MPP7: variants seen among roughly 807,000 people sequenced by gnomAD.
MPP7 encodes the protein MAGUK p55 subfamily member 7.
Under a neutral mutation model 76.5 loss-of-function variants are expected in MPP7, and 60 were observed. That is an observed-to-expected ratio of 0.78 (90% CI 0.64 to 0.97). MPP7 has a LOEUF of 0.97. Among genes scored for constraint, MPP7 ranks in the 50% least tolerant of loss-of-function variants. MPP7 has a pLI of 0.00. For synonymous variants in MPP7, 237 were observed against 244.5 expected, an observed-to-expected ratio of 0.97 and a Z score of 0.29; for missense variants, 641 against 694.0, an observed-to-expected ratio of 0.92 and a Z score of 0.86.
intron 2 of MPP7, among the ~76,000 whole-genome samples, chr10:28,208,156 G>A (rs1273397101): frequency 6.6e-6 from 1 of 152,122 alleles, no homozygotes; most frequent in Non-Finnish European, 1.5e-5. Flanking sequence ...GAGCTCACAG[G>A]AGAACGTGTG....
intron 13 of MPP7, among the ~76,000 whole-genome samples, chr10:28,066,453 A>T (rs942924979): frequency 6.6e-6 from 1 of 152,240 alleles, no homozygotes; most frequent in Admixed American, 6.5e-5. Flanking sequence ...GACAGGTCCC[A>T]TGTAAAATCA....
At chr10:28,304,429 G>C (rs1440063312), upstream of MPP7, among the ~76,000 whole-genome samples, 1 of 152,112 alleles carries the variant, frequency 6.6e-6, no homozygotes, top group Admixed American at 6.5e-5. Context: ...GGAATGTTAA[G>C]GTAAACATAA....
At chr10:28,237,238 T>C (rs1231978490) in intron 2 of MPP7, among the ~76,000 whole-genome samples, 1 of 152,180 alleles carries the variant, frequency 6.6e-6, no homozygotes, top group Non-Finnish European at 1.5e-5. Context: ...AAATTTATGG[T>C]TCACATAAAT....
chr10:28,181,129 C>T (rs1476243395), intron 3 of MPP7, among the ~76,000 whole-genome samples: 5 of 152,110 alleles, frequency 3.3e-5, no homozygotes. Context: ...ATTAGATTTA[C>T]ATTAATGTCT....
chr10:28,216,015 T>C (rs11006923), intron 2 of MPP7, among the ~76,000 whole-genome samples: 12,485 of 152,014 alleles, frequency 0.082, 1,041 homozygotes, highest in East Asian at 0.41. Context: ...ACCCCATGTA[T>C]TGGGTAGAGT....
chr10:28,185,168 TATG>T (rs1035109884), intron 3 of MPP7, among the ~76,000 whole-genome samples: 1 of 148,570 alleles, frequency 6.7e-6, no homozygotes, highest in Non-Finnish European at 1.5e-5. Context: ...ATGTAATTAT[TATG>T]ATGAAAATAA....
intron 1 of MPP7, among the ~76,000 whole-genome samples, chr10:28,293,764 G>A (rs925268890): frequency 6.6e-6 from 1 of 152,190 alleles, no homozygotes; most frequent in African/African-American, 2.4e-5. Context: ...CCATCCTAGC[G>A]ACCGAGTAGC....
intron 2 of MPP7, among the ~76,000 whole-genome samples, chr10:28,213,005 T>C (rs1838192723): frequency 6.6e-6 from 1 of 152,110 alleles, no homozygotes; most frequent in South Asian, 2.1e-4. Context: ...AGTGCCATGA[T>C]CAGAGCTCAG....
At chr10:28,168,740 G>C (rs932130240) in intron 3 of MPP7, among the ~76,000 whole-genome samples, 5 of 152,034 alleles carry the variant, frequency 3.3e-5, no homozygotes, top group Admixed American at 1.3e-4. Context: ...GAATGGTCTC[G>C]ATCTCCTGAC....
At chr10:28,238,191 A>G (rs1437113414) in intron 2 of MPP7, among the ~76,000 whole-genome samples, 1 of 152,208 alleles carries the variant, frequency 6.6e-6, no homozygotes, top group African/African-American at 2.4e-5. Context: ...AGAGAAAAAT[A>G]TGAATCAAGT....
At chr10:28,238,545 C>A in intron 2 of MPP7, 23 bp downstream of exon 2, 1 of 1,612,860 alleles carries the variant, frequency 6.2e-7, no homozygotes, top group Non-Finnish European at 8.5e-7. Flanking sequence ...GGAATGAGAA[C>A]TGCCCCTCTT....
chr10:28,240,905 A>T (rs901672246), intron 1 of MPP7, among the ~76,000 whole-genome samples: 1 of 152,132 alleles, frequency 6.6e-6, no homozygotes, highest in African/African-American at 2.4e-5. Context: ...CATTTGTACC[A>T]TTAGGCCAAT....
At chr10:28,066,942 A>G (rs977010411) in intron 13 of MPP7, among the ~76,000 whole-genome samples, 1 of 152,134 alleles carries the variant, frequency 6.6e-6, no homozygotes, top group African/African-American at 2.4e-5. Flanking sequence ...TTACTTATTC[A>G]TTCAAATGAT....
At chr10:28,258,382 TTATATATA>T (rs59151395) in intron 1 of MPP7, among the ~76,000 whole-genome samples, 20,980 of 141,206 alleles carry the variant, frequency 0.15, 2,104 homozygotes, top group East Asian at 0.52. Flanking sequence ...ATATTAAATA[TTATATATA>T]TATATATATA....
intron 15 of MPP7, 116 bp from the exon 16 acceptor site, chr10:28,056,739 A>G (rs577679035): frequency 2.6e-6 from 2 of 772,368 alleles, no homozygotes; most frequent in Non-Finnish European, 3.8e-6. Context: ...AGTCATTTCA[A>G]TATATTATTA....
intron 12 of MPP7, 69 bp downstream of exon 12, chr10:28,089,602 T>C: frequency 7.1e-7 from 1 of 1,405,466 alleles, no homozygotes; most frequent in South Asian, 1.4e-5. Flanking sequence ...CAAGTATGAT[T>C]CACTTTGAAG....
intron 2 of MPP7, among the ~76,000 whole-genome samples, chr10:28,232,367 AC>A (rs1302578129): frequency 6.6e-6 from 1 of 150,814 alleles, no homozygotes; most frequent in African/African-American, 2.5e-5. Flanking sequence ...AAACACACAC[AC>A]ACACACACAC....
chr10:28,170,339 T>A (rs193029700), intron 3 of MPP7, among the ~76,000 whole-genome samples: 183 of 151,954 alleles, frequency 1.2e-3, no homozygotes, highest in African/African-American at 3.8e-3. Flanking sequence ...CTCTTTTTTT[T>A]AATTTTTTTA....
rs570582056 is a variant in MPP7 at position 28,214,809 on chromosome 10, A to C, written c.38-12538T>G. Among the ~76,000 whole-genome samples, 10 of 152,278 alleles carry C rather than the reference A, an allele frequency of 6.6e-5. No homozygotes were observed. In the East Asian group the frequency reaches 1.9e-3, roughly 29 times the overall value. ...AGAAAGACCCCCTTCTTGCCTGGGG[A>C]CCAGTCCACCTTGCAGTACTAACAA... On this transcript the variant is annotated intron_variant, in intron 2 of 16. Transcript: ENST00000683449.
Sources: allele counts gnomAD v4.1 joint callset (sites outside exome capture counted in the v4.1 genomes callset), GRCh38; gene constraint gnomAD v4.1.1; transcripts MANE v1.5; gene names NCBI Gene and HGNC (gene_info 2026-07-23, HGNC 2026-07-21).